ERI3: variants seen among roughly 807,000 people sequenced by gnomAD.
The protein encoded by ERI3 is ERI1 exoribonuclease 3.
Under a neutral mutation model 44.4 loss-of-function variants are expected in ERI3, and 18 were observed. That is an observed-to-expected ratio of 0.41 (90% CI 0.28 to 0.60). The LOEUF is 0.60. Ranked by LOEUF, ERI3 falls within the 20% of genes least tolerant of loss-of-function variation. The pLI is 0.36. For synonymous variants in ERI3, 183 were observed against 164.8 expected, an observed-to-expected ratio of 1.11 and a Z score of -0.84; for missense variants, 294 against 435.5, an observed-to-expected ratio of 0.68 and a Z score of 2.89.
Position 44,352,893 on chromosome 1 carries a change from T to G in ERI3, c.168A>C (p.Ser56=). Residue 56 remains serine (S), a synonymous_variant, in exon 2 of 9, where the codon TCA becomes TCC. Coordinates refer to ENST00000372257, the MANE Select transcript of ERI3 (RefSeq NM_024066.3). ...TGCCAAGACCGGCAGCTGGGGATGC[T>G]GAAGGTTCTGTGAGAGCTGGAAAGC... ...HWGFPALTEP[S]ASPAAGLGIF... is the part of the protein sequence containing the mutation. 1.2e-6 allele frequency: 2 copies of G among 1,614,170 alleles called. No homozygotes were observed. The highest frequency in any genetic ancestry group is 1.7e-6 in the Non-Finnish European group (2 of 1,180,026).
intron 3 of ERI3, among the ~76,000 whole-genome samples, chr1:44,336,823 T>C (rs1646544627): frequency 6.6e-6 from 1 of 152,226 alleles, no homozygotes; most frequent in Non-Finnish European, 1.5e-5. Context: ...GCCAATTCCT[T>C]AAGTGCCCTT....
intron 7 of ERI3, among the ~76,000 whole-genome samples, chr1:44,250,445 G>A (rs1219721752): frequency 6.6e-6 from 1 of 152,224 alleles, no homozygotes; most frequent in Non-Finnish European, 1.5e-5. Context: ...CACAGACTGG[G>A]ACGTGTGAAA....
intron 7 of ERI3, among the ~76,000 whole-genome samples, chr1:44,262,734 G>GA (rs1644919924): frequency 1.3e-5 from 2 of 152,222 alleles, no homozygotes; most frequent in Non-Finnish European, 2.9e-5. Flanking sequence ...TGAGGTACAG[G>GA]AAAGACCTAA....
chr1:44,284,379 C>T (rs1418045793), intron 7 of ERI3, among the ~76,000 whole-genome samples: 2 of 152,180 alleles, frequency 1.3e-5, no homozygotes, highest in African/African-American at 4.8e-5. Context: ...GGAACAAAGC[C>T]AACTTAAGTG....
intron 2 of ERI3, among the ~76,000 whole-genome samples, chr1:44,348,787 A>C (rs1646834373): frequency 6.6e-6 from 1 of 152,234 alleles, no homozygotes; most frequent in Non-Finnish European, 1.5e-5. Flanking sequence ...AAATCACAGC[A>C]ATAAACTAAC....
intron 2 of ERI3, among the ~76,000 whole-genome samples, chr1:44,339,969 C>A (rs897251259): frequency 6.6e-6 from 1 of 152,176 alleles, no homozygotes; most frequent in African/African-American, 2.4e-5. Flanking sequence ...ATGAACAGTG[C>A]CTGGAGAGCA....
At chr1:44,231,438 C>T (rs183826084) in intron 8 of ERI3, among the ~76,000 whole-genome samples, 5 of 152,198 alleles carry the variant, frequency 3.3e-5, no homozygotes. Context: ...CAGTGGTTTG[C>T]TCATAGCTCA....
intron 6 of ERI3, 83 bp from the exon 7 acceptor site, chr1:44,284,990 C>T: frequency 8.4e-7 from 1 of 1,187,638 alleles, no homozygotes; most frequent in South Asian, 1.3e-5. Context: ...TCCAACAGAG[C>T]ATACAAGACA....
At position 44,307,621 on chromosome 1, in the gene ERI3, C is replaced by T. The variant is rs537687180; in HGVS notation, c.758+689G>A. On this transcript the variant is annotated intron_variant, in intron 6 of 8. Transcript: ENST00000372257. ...ACAAGTGTCAACCCAGCAAAGGAAC[C>T]GGTTCTGTCTTCCATAACCGGGACA... Among the ~76,000 whole-genome samples the T allele has an allele frequency of 7.9e-5, 12 of 152,238 alleles. 2 individuals are homozygous for T. Among genetic ancestry groups the T allele is most frequent in the African/African-American group, 1.9e-4 (8 of 41,538 alleles).
chr1:44,251,907 C>T (rs745718520), intron 7 of ERI3, among the ~76,000 whole-genome samples: 2 of 152,174 alleles, frequency 1.3e-5, no homozygotes, highest in Non-Finnish European at 2.9e-5. Context: ...GGATATGGGG[C>T]CCAGAAGCTT....
At chr1:44,255,448 C>T (rs988352915) in intron 7 of ERI3, among the ~76,000 whole-genome samples, 2 of 152,186 alleles carry the variant, frequency 1.3e-5, no homozygotes, top group African/African-American at 4.8e-5. Flanking sequence ...ATTTGGTCAT[C>T]GTATCTGTGT....
At position 44,221,406 on chromosome 1, in the gene ERI3, G is replaced by A; in HGVS notation, c.*152C>T. 1 of 651,500 alleles carries A rather than the reference G, an allele frequency of 1.5e-6. No homozygotes were observed. The highest frequency in any genetic ancestry group is 1.9e-5 in the South Asian group (1 of 52,232). The allele number at this position is 651,500 out of a possible 1,614,324, so 40.4% of individuals were successfully genotyped here. A position where few individuals can be genotyped will look rare whatever the true frequency, so the allele number is the denominator to read the frequency against. Reference sequence around the variant, plus strand: ...TGGCCAAGCCCTTGCAAGGGCACAAGCCCACGCCAAGGGCATGAGCCCACA... The same window carrying A: ...TGGCCAAGCCCTTGCAAGGGCACAAACCCACGCCAAGGGCATGAGCCCACA... On this transcript the variant is annotated 3_prime_UTR_variant, in exon 9 of 9. Transcript: ENST00000372257. This position sits in a 1 kb window ranked among gnomAD's most constrained non-coding sequence, Gnocchi z 5.9.
At chr1:44,247,780 T>C (rs562807458) in intron 8 of ERI3, among the ~76,000 whole-genome samples, 159 bp downstream of exon 8, 7 of 152,134 alleles carry the variant, frequency 4.6e-5, no homozygotes, top group African/African-American at 1.7e-4. Flanking sequence ...ATTCAGTAAT[T>C]TTCTCATGCC....
At chr1:44,265,536 A>G (rs889938374) in intron 7 of ERI3, among the ~76,000 whole-genome samples, 5 of 152,200 alleles carry the variant, frequency 3.3e-5, no homozygotes, top group African/African-American at 1.2e-4. Flanking sequence ...ATGTACTAGG[A>G]AAGACAGACA....
intron 7 of ERI3, among the ~76,000 whole-genome samples, chr1:44,260,959 C>T (rs1644881072): frequency 6.6e-6 from 1 of 152,116 alleles, no homozygotes; most frequent in African/African-American, 2.4e-5. Context: ...CACGTATTTA[C>T]ATAGGGTCTG....
chr1:44,352,050 G>A (rs1646901787), intron 2 of ERI3, among the ~76,000 whole-genome samples: 1 of 152,110 alleles, frequency 6.6e-6, no homozygotes, highest in Non-Finnish European at 1.5e-5. Flanking sequence ...AAGCTCTATG[G>A]TGTCAGGGAA....
chr1:44,310,785 C>T (rs1645938477), intron 5 of ERI3, among the ~76,000 whole-genome samples: 1 of 152,058 alleles, frequency 6.6e-6, no homozygotes. Flanking sequence ...CAGAGCTGCT[C>T]CCCGGTGCCA....
At chr1:44,345,747 ACT>A (rs1337836023) in intron 2 of ERI3, among the ~76,000 whole-genome samples, 1 of 152,224 alleles carries the variant, frequency 6.6e-6, no homozygotes, top group Non-Finnish European at 1.5e-5. Flanking sequence ...CTGCCAGAGC[ACT>A]CTCTGTGTGA....
At position 44,339,030 on chromosome 1, in the gene ERI3, T is replaced by A; in HGVS notation, c.489+15A>T. 1 of 1,601,780 alleles carries A rather than the reference T, an allele frequency of 6.2e-7. No individual in the cohort carries two copies. The highest frequency in any genetic ancestry group is 8.5e-7 in the Non-Finnish European group (1 of 1,171,060). On this transcript the variant is annotated intron_variant, in intron 3 of 8. Transcript: ENST00000372257. ...GCCCCCCCCACCTTTTCTAAAGCAATGATGGAACAGTTACCTGAGGATGAA... is the reference window on the plus strand; with the variant it reads ...GCCCCCCCCACCTTTTCTAAAGCAAAGATGGAACAGTTACCTGAGGATGAA...
Sources: allele counts gnomAD v4.1 joint callset (sites outside exome capture counted in the v4.1 genomes callset), GRCh38; gene constraint gnomAD v4.1.1; non-coding constraint Gnocchi (gnomAD v3.1); transcripts MANE v1.5; gene names NCBI Gene and HGNC (gene_info 2026-07-23, HGNC 2026-07-21).